RNF17: variants seen among roughly 807,000 people sequenced by gnomAD.
RNF17 encodes spermatogenesis associated 23.
In RNF17, 31 loss-of-function variants were observed where a neutral mutation model predicts 200.5. The ratio of observed to expected loss-of-function variants is 0.15; its 90% confidence interval spans 0.12 to 0.21. The LOEUF (loss-of-function observed/expected upper bound fraction) is 0.21, where lower values mean the gene tolerates loss of function less well. RNF17 is among the 10% of genes least tolerant of loss of function. RNF17 has a pLI of 1.00. For missense variants in RNF17, 1,628 were observed against 1,905.1 expected (o/e 0.85, Z 2.71); for synonymous variants, 606 against 637.8 (o/e 0.95, Z 0.75).
intron 28 of RNF17, among the ~76,000 whole-genome samples, chr13:24,864,614 A>G (rs1046459925): frequency 2.6e-5 from 4 of 152,218 alleles, no homozygotes; most frequent in African/African-American, 9.7e-5. Context: ...AATTGGAATT[A>G]TATATAACTA....
At chr13:24,757,052 T>C in the RNF17 span, among the ~76,000 whole-genome samples, 1 of 152,104 alleles carries the variant, frequency 6.6e-6, no homozygotes, top group South Asian at 2.1e-4. Context: ...CCAAGACAGT[T>C]CACCTTGCAA....
downstream of RNF17, chr13:24,883,504 T>TG (rs755560310): frequency 6.1e-6 from 4 of 659,742 alleles, no homozygotes. Context: ...CCTATACAAT[T>TG]GTAACTTTCT....
chr13:24,763,594 T>A (rs914169747), upstream of RNF17, among the ~76,000 whole-genome samples: 3 of 152,142 alleles, frequency 2.0e-5, no homozygotes, highest in Non-Finnish European at 2.9e-5. Context: ...TGGGTTTTTT[T>A]AAGGAGTTAT....
chr13:24,762,902 G>A (rs752064095), upstream of RNF17, among the ~76,000 whole-genome samples: 6 of 152,108 alleles, frequency 3.9e-5, no homozygotes, highest in Non-Finnish European at 8.8e-5. Flanking sequence ...ATTCTTCCCT[G>A]ACACACCTCT....
chr13:24,749,855 T>C, the RNF17 span, among the ~76,000 whole-genome samples: 46 of 152,182 alleles, frequency 3.0e-4, no homozygotes, highest in African/African-American at 1.1e-3. Flanking sequence ...GTTCAAACGA[T>C]TCTTGTGCCT....
chr13:24,831,346 G>A (rs1311864857), intron 17 of RNF17, among the ~76,000 whole-genome samples: 6 of 152,122 alleles, frequency 3.9e-5, no homozygotes, highest in African/African-American at 1.4e-4. Context: ...GGAGGCTGAG[G>A]CAGGAGAATT....
chr13:24,839,628 G>A (rs1051834143), intron 18 of RNF17, among the ~76,000 whole-genome samples: 1 of 152,118 alleles, frequency 6.6e-6, no homozygotes, highest in Non-Finnish European at 1.5e-5. Context: ...ACATAAAGTG[G>A]GGAAAGGACA....
intron 24 of RNF17, among the ~76,000 whole-genome samples, chr13:24,853,580 T>TTGTA (rs1324446499): frequency 6.6e-6 from 1 of 152,210 alleles, no homozygotes; most frequent in Non-Finnish European, 1.5e-5. Context: ...ATTGAATTCA[T>TTGTA]TGTACAATGC....
downstream of RNF17, chr13:24,884,211 G>T (rs149855336): frequency 4.2e-5 from 67 of 1,614,068 alleles, no homozygotes; most frequent in Non-Finnish European, 3.4e-5. Flanking sequence ...CGGGTATGTC[G>T]TGTGAGTGGT....
intron 24 of RNF17, among the ~76,000 whole-genome samples, chr13:24,853,327 A>G (rs1377664516): frequency 1.3e-5 from 2 of 152,186 alleles, no homozygotes; most frequent in African/African-American, 4.8e-5. Flanking sequence ...TTTATACAGT[A>G]GGGATACCTA....
At chr13:24,794,174 T>C (rs1416484416) in intron 10 of RNF17, 1 of 456,560 alleles carries the variant, frequency 2.2e-6, no homozygotes, top group Admixed American at 2.4e-5. Flanking sequence ...CAGATGATCT[T>C]GGGGAGACAC....
Position 24,865,582 on chromosome 13 carries a change from G to A in RNF17, c.4102-562G>A, listed in dbSNP as rs78995071. Among the ~76,000 whole-genome samples the A allele has an allele frequency of 9.3e-3, 1,418 of 152,196 alleles. 35 individuals carry two copies. Among genetic ancestry groups the A allele is most frequent in the African/African-American group, 0.032 (1,336 of 41,546 alleles). ...TGCATCATTATATTTTATATCACAA[G>A]ATATTTTTATTTCTAGAGTTGCAGT... On this transcript the variant is annotated intron_variant, in intron 29 of 35. Coordinates refer to ENST00000255324, the MANE Select transcript of RNF17 (RefSeq NM_031277.3).
chr13:24,860,231 A>G (rs1457083229), intron 26 of RNF17, among the ~76,000 whole-genome samples: 2 of 151,960 alleles, frequency 1.3e-5, no homozygotes, highest in Non-Finnish European at 2.9e-5. Context: ...GTGTTCATCA[A>G]GTTATCATAC....
chr13:24,851,534 T>C lies in RNF17; in HGVS notation c.3283T>C (p.Tyr1095His). The change falls in exon 24 of 36, where the codon TAT (tyrosine) becomes CAT (histidine). Residue 1095 changes from tyrosine (Y) to histidine (H), a missense_variant. By Grantham distance (83) the Tyr-to-His change is moderately conservative (BLOSUM62 2). Transcript: ENST00000255324. ...AGGAGAGCGTGTTGATGTTTCTAAA[T>C]ATTTGATTAAAAAGGGTTTGGCTTT... Reference protein sequence around the residue: ...EKGERVDVSKYLIKKGLALRE... With the variant: ...EKGERVDVSKHLIKKGLALRE... 6.2e-7 allele frequency: 1 copy of C among 1,613,222 alleles called. No homozygotes were observed. The highest frequency in any genetic ancestry group is 8.5e-7 in the Non-Finnish European group (1 of 1,179,798).
At chr13:24,791,458 A>G (rs989951812) in intron 9 of RNF17, among the ~76,000 whole-genome samples, 6 of 152,180 alleles carry the variant, frequency 3.9e-5, no homozygotes, top group Admixed American at 1.3e-4. Flanking sequence ...GAGGGGGAAG[A>G]TAGTATGTTG....
chr13:24,834,551 C>T (rs1232161176), intron 18 of RNF17, among the ~76,000 whole-genome samples: 1 of 152,206 alleles, frequency 6.6e-6, no homozygotes, highest in Non-Finnish European at 1.5e-5. Flanking sequence ...CCCTCCTCTC[C>T]TGAAAACACA....
In RNF17 at chr13:24,779,657, C is replaced by T; in HGVS notation, c.430-10C>T. The stretch of plus-strand genomic sequence containing the variant: ...TTTTATATTTGTATGTGATTTCCCT[C>T]CCTTCTTAGGACACTAATACTGCAG... On this transcript the variant is annotated splice_polypyrimidine_tract_variant and intron_variant, in intron 4 of 35. Transcript: ENST00000255324. 8.1e-6 allele frequency: 13 copies of T among 1,598,382 alleles called. No individual in the cohort carries two copies. The highest frequency in any genetic ancestry group is 1.1e-5 in the Non-Finnish European group (13 of 1,166,536).
In RNF17 at chr13:24,859,092, A is replaced by G; in HGVS notation, c.3702A>G (p.Ala1234=). The G allele has an allele frequency of 6.2e-7, 1 of 1,613,482 alleles. No homozygotes were observed. The highest frequency in any genetic ancestry group is 8.5e-7 in the Non-Finnish European group (1 of 1,179,560). The change falls in exon 26 of 36, where the codon GCA becomes GCG. Residue 1234 remains alanine, a synonymous_variant. Transcript: ENST00000255324. Reference sequence around the variant, plus strand: ...CTTATTTCTGGAAAAAAGGAGAAGCATGTGCAGTAAGAGGATCCGATACTC... The same window carrying G: ...CTTATTTCTGGAAAAAAGGAGAAGCGTGTGCAGTAAGAGGATCCGATACTC... ...LEPYFWKKGE[A]CAVRGSDTLW...
intron 18 of RNF17, among the ~76,000 whole-genome samples, chr13:24,835,009 C>T (rs1052574127): frequency 1.3e-5 from 2 of 152,170 alleles, no homozygotes; most frequent in Non-Finnish European, 2.9e-5. Context: ...GAGACTGGCC[C>T]TTTGGTTTGC....
Sources: gnomAD v4.1 joint callset for allele counts (sites outside exome capture counted in the v4.1 genomes callset) on GRCh38, gnomAD v4.1.1 for gene constraint, MANE v1.5 for transcripts, NCBI Gene and HGNC (gene_info 2026-07-23, HGNC 2026-07-21) for gene names.